Variants in TCP11L2 observed in about 807,000 individuals in gnomAD.
TCP11L2 encodes the protein t-complex 11 like 2, also known as T-complex protein 11-like protein 2.
A neutral mutation model predicts 50.7 loss-of-function variants in TCP11L2; 39 were observed. The observed-to-expected ratio is 0.77, with a 90% confidence interval of 0.60 to 1.01. The LOEUF (loss-of-function observed/expected upper bound fraction) is 1.01, where lower values mean the gene tolerates loss of function less well. TCP11L2 is among the 50% of genes least tolerant of loss of function. The probability of loss-of-function intolerance (pLI) is 0.00; values close to 1 mark genes in which losing one functional copy is unlikely to be tolerated. For synonymous variants in TCP11L2, 192 were observed against 219.3 expected (o/e 0.88, Z 1.10); for missense variants, 612 against 614.7 (o/e 1.00, Z 0.05).
Position 106,336,019 on chromosome 12 carries a change from A to G in TCP11L2, c.961-13A>G, listed in dbSNP as rs775189935. 2 of 1,567,722 alleles carry G rather than the reference A, an allele frequency of 1.3e-6. No homozygotes were observed. The highest frequency in any genetic ancestry group is 1.2e-5 in the South Asian group (1 of 82,756). On this transcript the variant is annotated splice_polypyrimidine_tract_variant and intron_variant, in intron 7 of 9. Transcript: ENST00000299045. ...TACCCTTTCTATTTTTATATTTTAA[A>G]TAAATATGTTAGACACTTATGACAG...
In TCP11L2 at chr12:106,346,292, G is replaced by A. The variant is rs763401853; in HGVS notation, c.1322G>A (p.Arg441Gln). Residue 441 changes from arginine to glutamine, a missense_variant, in exon 10 of 10, where the codon CGA (arginine) becomes CAA (glutamine). Transcript: ENST00000299045. ...ATCTTTTTTTCCCCTTCAGATAAACGAATTAAGCTTTACATGAGAAGGCTA... is the reference window on the plus strand; with the variant it reads ...ATCTTTTTTTCCCCTTCAGATAAACAAATTAAGCTTTACATGAGAAGGCTA... ...DNPIWSLIDK[R>Q]IKLYMRRLLC... is the part of the protein sequence containing the mutation. 1.1e-5 allele frequency: 18 copies of A among 1,602,976 alleles called. No homozygotes were observed. Among genetic ancestry groups the A allele is most frequent in the Admixed American group, 3.5e-5 (2 of 57,860 alleles).
chr12:106,308,884 A>G lies in TCP11L2; in HGVS notation c.-35-2157A>G, dbSNP rs556168778. Among the ~76,000 whole-genome samples, 3 of 152,316 alleles carry G rather than the reference A, an allele frequency of 2.0e-5. 1 individual carries two copies. Among genetic ancestry groups the G allele is most frequent in the Admixed American group, 1.3e-4 (2 of 15,300 alleles). ...CTGACACTGAATGAATACTTGTCAT[A>G]TACTTGGCGCTGGTCATGGACAAGA... On this transcript the variant is annotated intron_variant, in intron 1 of 9. Coordinates refer to ENST00000299045, the MANE Select transcript of TCP11L2 (RefSeq NM_152772.3).
At chr12:106,330,229 A>G (rs550016471) in intron 6 of TCP11L2, 1 of 985,442 alleles carries the variant, frequency 1.0e-6, no homozygotes, top group East Asian at 1.1e-4. Context: ...TAGCCTTGGC[A>G]TGTCAAATTT....
chr12:106,339,859 A>G (rs2036037388), intron 8 of TCP11L2, among the ~76,000 whole-genome samples: 1 of 152,282 alleles, frequency 6.6e-6, no homozygotes, highest in African/African-American at 2.4e-5. Context: ...AACAAATTCC[A>G]GTCAAGGCAG....
chr12:106,314,576 T>TGTGTGTGTGTGTGAGAGAGA (rs1469308055), intron 3 of TCP11L2, 83 bp downstream of exon 3: 2 of 253,080 alleles, frequency 7.9e-6, no homozygotes, highest in African/African-American at 8.2e-5. Context: ...TGTGTGTGTG[T>TGTGTGTGTGTGTGAGAGAGA]GAGAGAGAGA....
intron 3 of TCP11L2, 128 bp downstream of exon 3, chr12:106,314,621 CAT>C (rs1252562948): frequency 1.3e-6 from 1 of 785,592 alleles, no homozygotes; most frequent in Non-Finnish European, 2.0e-6. Flanking sequence ...GAGATAGACA[CAT>C]ATTTACACTG....
At chr12:106,312,189 C>T (rs146996477) in intron 2 of TCP11L2, 2 of 382,034 alleles carry the variant, frequency 5.2e-6, no homozygotes, top group Non-Finnish European at 1.0e-5. Context: ...TTTATGAATA[C>T]TTATTACTTT....
intron 1 of TCP11L2, among the ~76,000 whole-genome samples, chr12:106,310,170 A>T (rs2034798587): frequency 6.6e-6 from 1 of 152,142 alleles, no homozygotes. Context: ...CCCTGGAAGG[A>T]TTCTCATGTC....
chr12:106,337,799 G>C (rs1019627468), intron 8 of TCP11L2, among the ~76,000 whole-genome samples: 1 of 152,160 alleles, frequency 6.6e-6, no homozygotes, highest in Non-Finnish European at 1.5e-5. Context: ...CAGATGTGTG[G>C]CACGTAATAT....
intron 1 of TCP11L2, among the ~76,000 whole-genome samples, chr12:106,310,781 C>T (rs1348593059): frequency 6.6e-6 from 1 of 152,228 alleles, no homozygotes; most frequent in Non-Finnish European, 1.5e-5. Context: ...CCTGCCATTA[C>T]TTAGAGCTTC....
upstream of TCP11L2, among the ~76,000 whole-genome samples, chr12:106,302,530 C>T (rs2034456059): frequency 1.3e-5 from 2 of 151,572 alleles, no homozygotes; most frequent in Admixed American, 6.6e-5. Flanking sequence ...CCCCCGGCAG[C>T]CCGGACCGCA....
chr12:106,303,331 A>G (rs1023684693), intron 1 of TCP11L2: 2 of 152,844 alleles, frequency 1.3e-5, no homozygotes, highest in African/African-American at 4.8e-5. Context: ...GGAGTAGGGA[A>G]CTGAGCCAGG....
rs1428180755 is a variant in TCP11L2 at position 106,314,395 on chromosome 12, GA to G, written c.196del (p.Met66TrpfsTer10). 1 of 1,612,918 alleles carries G rather than the reference GA, an allele frequency of 6.2e-7. No individual in the cohort carries two copies. On this transcript the variant is annotated frameshift_variant, in exon 3 of 10. Coordinates refer to ENST00000299045, the MANE Select transcript of TCP11L2 (RefSeq NM_152772.3). LOFTEE classifies it high-confidence loss of function. ...PPRVVTFDEV[M>X]ATARNLSNLT... ...CAAGGGTTGTAACATTTGATGAAGT[GA>G]TGGCTACAGCAAGGAACTTATCAAA...
chr12:106,305,645 C>T (rs1377727879), intron 1 of TCP11L2, among the ~76,000 whole-genome samples: 1 of 152,210 alleles, frequency 6.6e-6, no homozygotes, highest in Admixed American at 6.5e-5. Flanking sequence ...CACTGAGCTC[C>T]TGCTCTAGCC....
intron 2 of TCP11L2, among the ~76,000 whole-genome samples, chr12:106,312,739 G>C (rs1432900301): frequency 6.6e-6 from 1 of 152,042 alleles, no homozygotes; most frequent in Non-Finnish European, 1.5e-5. Context: ...AAAATTAGCT[G>C]AGCATGGTGG....
At chr12:106,338,011 G>C (rs1477809626) in intron 8 of TCP11L2, among the ~76,000 whole-genome samples, 1 of 152,076 alleles carries the variant, frequency 6.6e-6, no homozygotes, top group Non-Finnish European at 1.5e-5. Context: ...CTAAATAATA[G>C]ACCAAGATGT....
At chr12:106,310,382 A>T (rs967885810) in intron 1 of TCP11L2, among the ~76,000 whole-genome samples, 9 of 152,198 alleles carry the variant, frequency 5.9e-5, no homozygotes, top group Admixed American at 5.2e-4. Context: ...TTCATGTGGA[A>T]ATGGAGGGGG....
chr12:106,332,170 G>A (rs1565856411), intron 6 of TCP11L2, among the ~76,000 whole-genome samples: 1 of 152,084 alleles, frequency 6.6e-6, no homozygotes, highest in East Asian at 1.9e-4. Context: ...AGTAAACACA[G>A]CCATTACTAA....
chr12:106,339,196 C>T (rs1177216906), intron 8 of TCP11L2, among the ~76,000 whole-genome samples: 1 of 152,100 alleles, frequency 6.6e-6, no homozygotes, highest in Non-Finnish European at 1.5e-5. Context: ...GAGATGGTAT[C>T]TCTCTGTGGT....
Sources: gnomAD v4.1 joint callset for allele counts (sites outside exome capture counted in the v4.1 genomes callset) on GRCh38, gnomAD v4.1.1 for gene constraint, MANE v1.5 for transcripts, NCBI Gene and HGNC (gene_info 2026-07-23, HGNC 2026-07-21) for gene names.